UBE2Q2: variants seen among roughly 807,000 people sequenced by gnomAD.
UBE2Q2 encodes the protein ubiquitin-conjugating enzyme E2 Q2.
In UBE2Q2, 54 loss-of-function variants were observed where a neutral mutation model predicts 59.9. The ratio of observed to expected loss-of-function variants is 0.90; its 90% CI spans 0.72 to 1.13. The LOEUF (loss-of-function observed/expected upper bound fraction) is 1.13. UBE2Q2 is among the 50% of genes most tolerant of loss of function. UBE2Q2 has a pLI of 0.00. For synonymous variants in UBE2Q2, 165 were observed against 155.2 expected (o/e 1.06, Z -0.47); for missense variants, 433 against 441.9 (o/e 0.98, Z 0.18).
rs749517809 is a variant in UBE2Q2 at position 75,879,154 on chromosome 15, G to A, written c.791G>A (p.Gly264Asp). The change falls in exon 8 of 13, where the codon GGC becomes GAC. Residue 264 changes from glycine (G) to aspartate (D), a missense_variant. By Grantham distance (94) the Gly-to-Asp change is moderately conservative. Transcript: ENST00000267938. ...CTTCAGATCTTAAAAGAAAAAGAAG[G>A]CATAGAATATATTTTGCTTAACTTC... ...SDLQILKEKE[G>D]IEYILLNFSF... The A allele has an allele frequency of 3.7e-6, 6 of 1,601,180 alleles. No homozygotes were observed. The highest frequency in any genetic ancestry group is 2.3e-5 in the East Asian group (1 of 44,268).
intron 2 of UBE2Q2, among the ~76,000 whole-genome samples, chr15:75,858,167 C>T (rs974081034): frequency 6.6e-6 from 1 of 152,136 alleles, no homozygotes; most frequent in Non-Finnish European, 1.5e-5. Context: ...TAATATTTTA[C>T]TCCCATTACT....
At chr15:75,879,844 CAGTAAAACTGCCCAAAG>C (rs1898301645) in intron 8 of UBE2Q2, among the ~76,000 whole-genome samples, 1 of 151,948 alleles carries the variant, frequency 6.6e-6, no homozygotes, top group Non-Finnish European at 1.5e-5. Context: ...CATACGTGAG[CAGTAAAACTGCCCAAAG>C]AGGAAAACTG....
In UBE2Q2 at chr15:75,900,626, T is replaced by C. The variant is rs1265621167; in HGVS notation, c.*1168T>C. The C allele has an allele frequency of 6.6e-6, 1 of 152,670 alleles. No homozygotes were observed. Among genetic ancestry groups the C allele is most frequent in the Non-Finnish European group, 1.5e-5 (1 of 68,042 alleles). The allele number at this position is 152,670 out of a possible 1,614,324, so 9.5% of individuals were successfully genotyped here. A position where few individuals can be genotyped will look rare whatever the true frequency, so the allele number is the denominator to read the frequency against. On this transcript the variant is annotated 3_prime_UTR_variant, in exon 13 of 13. Transcript: ENST00000267938. ...ACAAGTTACAAAGTTCAAAAGTGTT[T>C]CTTGTGCATTAGCTTTGAGATTCAG...
At chr15:75,887,953 A>G (rs1898881018) in intron 9 of UBE2Q2, among the ~76,000 whole-genome samples, 1 of 152,208 alleles carries the variant, frequency 6.6e-6, no homozygotes, top group Non-Finnish European at 1.5e-5. Flanking sequence ...CAATCAGGGT[A>G]AAGCTTAAGC....
intron 1 of UBE2Q2, among the ~76,000 whole-genome samples, chr15:75,850,631 A>G (rs2141540695): frequency 6.6e-6 from 1 of 152,322 alleles, no homozygotes; most frequent in Middle Eastern, 3.4e-3. Flanking sequence ...GGAGGGAGGT[A>G]GCAAAACTGG....
At chr15:75,852,503 T>C (rs1165560776) in intron 1 of UBE2Q2, among the ~76,000 whole-genome samples, 1 of 152,228 alleles carries the variant, frequency 6.6e-6, no homozygotes, top group Non-Finnish European at 1.5e-5. Context: ...GTTTTTGTAA[T>C]TTTCTTAATA....
At chr15:75,847,541 A>G (rs780692002) in intron 1 of UBE2Q2, among the ~76,000 whole-genome samples, 155 of 152,222 alleles carry the variant, frequency 1.0e-3, no homozygotes, top group Non-Finnish European at 1.7e-3. Context: ...CTGTGAAGCC[A>G]TGATATGAAA....
At chr15:75,871,211 T>C (rs954568765) in intron 4 of UBE2Q2, among the ~76,000 whole-genome samples, 1 of 152,256 alleles carries the variant, frequency 6.6e-6, no homozygotes, top group Non-Finnish European at 1.5e-5. Flanking sequence ...CAAAGCAGTA[T>C]TGCTGCCCGC....
At chr15:75,865,641 C>A (rs568110176) in intron 3 of UBE2Q2, among the ~76,000 whole-genome samples, 1 of 152,038 alleles carries the variant, frequency 6.6e-6, no homozygotes, top group South Asian at 2.1e-4. Flanking sequence ...TTTAGTGCAT[C>A]AATATGGTCA....
At position 75,843,848 on chromosome 15, in the gene UBE2Q2, T is replaced by A; in HGVS notation, c.180+2T>A. 6.4e-6 allele frequency: 10 copies of A among 1,567,094 alleles called. No individual in the cohort carries two copies. Among genetic ancestry groups the A allele is most frequent in the South Asian group, 3.5e-5 (3 of 85,936 alleles). On this transcript the variant is annotated splice_donor_variant, in intron 1 of 12. Transcript: ENST00000267938. LOFTEE classifies it high-confidence loss of function. ...CTCACGCTCCACTGCAACATCACGG[T>A]GAGGCGCCCGGCCGCGGCCCCGCGG...
intron 6 of UBE2Q2, among the ~76,000 whole-genome samples, chr15:75,876,908 G>A (rs1898115471): frequency 6.6e-6 from 1 of 152,098 alleles, no homozygotes; most frequent in Non-Finnish European, 1.5e-5. Context: ...TATAATCCCT[G>A]CACTTTGGGA....
intron 4 of UBE2Q2, among the ~76,000 whole-genome samples, chr15:75,871,027 A>G (rs1897757022): frequency 6.6e-6 from 1 of 152,214 alleles, no homozygotes; most frequent in Non-Finnish European, 1.5e-5. Context: ...CTTAGTATTT[A>G]TTGATCATTT....
At chr15:75,852,833 A>G (rs1395782998) in intron 1 of UBE2Q2, among the ~76,000 whole-genome samples, 1 of 152,224 alleles carries the variant, frequency 6.6e-6, no homozygotes, top group South Asian at 2.1e-4. Context: ...AAAATAGTAA[A>G]TAACCCATTA....
chr15:75,887,775 G>C lies in UBE2Q2; in HGVS notation c.885-2660G>C, dbSNP rs569548762. 5.3e-5 allele frequency among the ~76,000 whole-genome samples: 8 copies of C among 152,310 alleles called. No individual in the cohort carries two copies. In the East Asian group the frequency reaches 1.5e-3, roughly 29 times the overall value. Reference sequence around the variant, plus strand: ...GAGGGCCACGCTGTTGTCTTAGAGTGAAGTGAGGAGAACCTACATTGGTTT... The same window carrying C: ...GAGGGCCACGCTGTTGTCTTAGAGTCAAGTGAGGAGAACCTACATTGGTTT... On this transcript the variant is annotated intron_variant, in intron 9 of 12. Transcript: ENST00000267938.
chr15:75,854,600 G>A, intron 2 of UBE2Q2, 113 bp downstream of exon 2: 1 of 631,656 alleles, frequency 1.6e-6, no homozygotes, highest in African/African-American at 1.9e-5. Flanking sequence ...TAATCTTGTA[G>A]GAATTAAAGA....
At chr15:75,860,909 A>G (rs565989689) in intron 3 of UBE2Q2, among the ~76,000 whole-genome samples, 11 of 152,346 alleles carry the variant, frequency 7.2e-5, no homozygotes, top group African/African-American at 2.6e-4. Context: ...ACCCTAAGAA[A>G]GCATGGAGGA....
At chr15:75,891,481 C>G (rs1270014138) in intron 11 of UBE2Q2, among the ~76,000 whole-genome samples, 3 of 124,708 alleles carry the variant, frequency 2.4e-5, no homozygotes, top group African/African-American at 7.9e-5. Flanking sequence ...CCTATGCTTA[C>G]CAAGTTTTTT....
At chr15:75,896,860 A>T (rs1899453285) in intron 11 of UBE2Q2, 135 bp from the exon 12 acceptor site, 1 of 471,732 alleles carries the variant, frequency 2.1e-6, no homozygotes, top group Admixed American at 4.3e-5. Context: ...GAGGCTATTA[A>T]GTTAAAATTG....
In UBE2Q2 at chr15:75,843,901, T is replaced by C; in HGVS notation, c.180+55T>C. The C allele has an allele frequency of 6.7e-6, 10 of 1,488,748 alleles. No homozygotes were observed. In the South Asian group the frequency reaches 1.3e-4, roughly 19 times the overall value. 92.2% of individuals were successfully genotyped at this position (1,488,748 alleles called of 1,614,324 possible). On this transcript the variant is annotated intron_variant, in intron 1 of 12. Transcript: ENST00000267938. ...CAGGGCGAGGACGGAGAGGGGGCGCTTCGAGTCCCGGGACAAAGGGGAGCC... is the reference window on the plus strand; with the variant it reads ...CAGGGCGAGGACGGAGAGGGGGCGCCTCGAGTCCCGGGACAAAGGGGAGCC...
Sources: allele counts gnomAD v4.1 joint callset (sites outside exome capture counted in the v4.1 genomes callset), GRCh38; gene constraint gnomAD v4.1.1; transcripts MANE v1.5; gene names NCBI Gene and HGNC (gene_info 2026-07-23, HGNC 2026-07-21).